The following PXDNL variants were observed in gnomAD, a reference collection of about 807,000 sequenced individuals.
The protein encoded by PXDNL is probable oxidoreductase PXDNL.
A neutral mutation model predicts 150.8 loss-of-function variants in PXDNL; 145 were observed. That is an observed-to-expected ratio of 0.96 (90% CI 0.84 to 1.10). The LOEUF is 1.10. Ranked by LOEUF, PXDNL falls within the 50% of genes least tolerant of loss-of-function variation. The pLI, the probability that PXDNL is intolerant of heterozygous loss-of-function variation, is 0.00. For synonymous variants in PXDNL, 757 were observed against 725.7 expected (o/e 1.04, Z -0.69); for missense variants, 2,087 against 1,873.9 (o/e 1.11, Z -2.10).
chr8:51,735,975 C>T (rs1278300782), intron 1 of PXDNL, among the ~76,000 whole-genome samples: 1 of 152,184 alleles, frequency 6.6e-6, no homozygotes, highest in Non-Finnish European at 1.5e-5. Flanking sequence ...TACCTGCCTA[C>T]CACCACACCG....
intron 18 of PXDNL, among the ~76,000 whole-genome samples, chr8:51,373,920 C>T (rs1268405495): frequency 6.6e-6 from 1 of 152,164 alleles, no homozygotes; most frequent in African/African-American, 2.4e-5. Context: ...GGTTTTTATT[C>T]TTGGTTAGTC....
At chr8:51,525,641 T>TAAATAA (rs907064718) in intron 4 of PXDNL, among the ~76,000 whole-genome samples, 2 of 152,266 alleles carry the variant, frequency 1.3e-5, no homozygotes, top group African/African-American at 4.8e-5. Context: ...TCTGATGCTA[T>TAAATAA]AAATAAAAAT....
At chr8:51,598,689 G>T (rs940161662) in intron 2 of PXDNL, among the ~76,000 whole-genome samples, 2 of 151,934 alleles carry the variant, frequency 1.3e-5, no homozygotes, top group Non-Finnish European at 2.9e-5. Context: ...AGGGATATTG[G>T]CCTGTAGTTT....
intron 5 of PXDNL, among the ~76,000 whole-genome samples, chr8:51,491,548 G>A (rs577033637): frequency 9.9e-5 from 15 of 152,146 alleles, no homozygotes; most frequent in South Asian, 2.1e-4. Context: ...TTCCAAGCCC[G>A]CTGATGGATC....
chr8:51,378,510 C>G (rs1445012390), intron 17 of PXDNL, among the ~76,000 whole-genome samples: 2 of 152,162 alleles, frequency 1.3e-5, no homozygotes, highest in Admixed American at 6.5e-5. Flanking sequence ...TGGGTGGGGC[C>G]AGAAAAGGGT....
At chr8:51,367,508 T>G (rs1027014549) in intron 19 of PXDNL, among the ~76,000 whole-genome samples, 2 of 152,198 alleles carry the variant, frequency 1.3e-5, no homozygotes, top group African/African-American at 4.8e-5. Flanking sequence ...GAAATAAATC[T>G]GACAACACTT....
At chr8:51,469,748 C>A (rs563643866) in intron 8 of PXDNL, among the ~76,000 whole-genome samples, 1 of 152,136 alleles carries the variant, frequency 6.6e-6, no homozygotes, top group African/African-American at 2.4e-5. Context: ...ACTTTATGCT[C>A]CATGCACTTT....
chr8:51,466,687 C>T (rs1233445142), intron 8 of PXDNL, among the ~76,000 whole-genome samples: 1 of 152,064 alleles, frequency 6.6e-6, no homozygotes, highest in Non-Finnish European at 1.5e-5. Flanking sequence ...GGAACTTAAA[C>T]AAATCAACAA....
chr8:51,374,581 A>G lies in PXDNL; in HGVS notation c.3692+16T>C, dbSNP rs1807238735. The G allele has an allele frequency of 6.2e-7, 1 of 1,613,406 alleles. No individual in the cohort carries two copies. ...ACTTTTGTGATATTTAATAAGTATA[A>G]CAGATAATCATTCACCTATCTCCAT... On this transcript the variant is annotated intron_variant, in intron 18 of 22. Transcript: ENST00000356297.
intron 1 of PXDNL, among the ~76,000 whole-genome samples, chr8:51,797,362 C>T (rs1313790733): frequency 1.3e-5 from 2 of 152,060 alleles, no homozygotes; most frequent in East Asian, 3.9e-4. Flanking sequence ...GGTATTCAAA[C>T]TGGAAAAGAG....
chr8:51,613,644 C>T (rs1814069505), intron 2 of PXDNL, among the ~76,000 whole-genome samples: 1 of 152,156 alleles, frequency 6.6e-6, no homozygotes, highest in Non-Finnish European at 1.5e-5. Flanking sequence ...TGGACGTTGA[C>T]ATATTGTAAC....
intron 4 of PXDNL, among the ~76,000 whole-genome samples, chr8:51,550,023 A>G (rs4327854): frequency 0.018 from 2,677 of 152,302 alleles, 81 homozygotes; most frequent in African/African-American, 0.06. Context: ...CCACAGAAAT[A>G]CAAAATATCA....
chr8:51,774,230 T>C (rs1255726116), intron 1 of PXDNL, among the ~76,000 whole-genome samples: 1 of 152,238 alleles, frequency 6.6e-6, no homozygotes, highest in African/African-American at 2.4e-5. Flanking sequence ...TCTGCTACTG[T>C]TTGAGGCGAA....
chr8:51,521,174 T>A (rs183441147), intron 4 of PXDNL, among the ~76,000 whole-genome samples: 11 of 152,286 alleles, frequency 7.2e-5, no homozygotes, highest in Non-Finnish European at 1.5e-4. Context: ...CCCAGGAGTA[T>A]GAGGCTACAG....
chr8:51,782,095 A>G (rs1197319473), intron 1 of PXDNL, among the ~76,000 whole-genome samples: 1 of 151,080 alleles, frequency 6.6e-6, no homozygotes, highest in Non-Finnish European at 1.5e-5. Context: ...GGCTCAGATG[A>G]TAAGAAGGAA....
At chr8:51,701,176 T>C (rs1009060610) in intron 1 of PXDNL, among the ~76,000 whole-genome samples, 2 of 152,156 alleles carry the variant, frequency 1.3e-5, no homozygotes, top group Admixed American at 1.3e-4. Flanking sequence ...TGATAAATTG[T>C]ATGAATTATT....
intron 21 of PXDNL, among the ~76,000 whole-genome samples, chr8:51,327,763 A>G (rs1444444319): frequency 6.6e-6 from 1 of 152,226 alleles, no homozygotes; most frequent in East Asian, 1.9e-4. Flanking sequence ...GCATGTGGCA[A>G]GCTTGTAAAT....
chr8:51,699,744 T>A (rs549980170), intron 1 of PXDNL, among the ~76,000 whole-genome samples: 2 of 152,274 alleles, frequency 1.3e-5, no homozygotes, highest in African/African-American at 4.8e-5. Context: ...TATGGGCCAT[T>A]GTAGGGTTAT....
chr8:51,363,351 T>C (rs1199729572), intron 19 of PXDNL, among the ~76,000 whole-genome samples: 1 of 151,602 alleles, frequency 6.6e-6, no homozygotes, highest in Non-Finnish European at 1.5e-5. Context: ...AGACACTGAG[T>C]TAAAGAAGGA....
Sources: gnomAD v4.1 joint callset for allele counts (sites outside exome capture counted in the v4.1 genomes callset) on GRCh38, gnomAD v4.1.1 for gene constraint, MANE v1.5 for transcripts, NCBI Gene and HGNC (gene_info 2026-07-23, HGNC 2026-07-21) for gene names.